The following GSK3B variants were observed in gnomAD, a reference collection of about 807,000 sequenced individuals.
GSK3B encodes the protein glycogen synthase kinase 3 beta.
Under a neutral mutation model 56.4 loss-of-function variants are expected in GSK3B, and 15 were observed. The observed-to-expected ratio is 0.27, with a 90% CI of 0.18 to 0.41. The LOEUF is 0.41. GSK3B is among the 10% of genes least tolerant of loss of function. The pLI is 1.00. For missense variants in GSK3B, 300 were observed against 513.4 expected, an observed-to-expected ratio of 0.58 and a Z score of 4.02; for synonymous variants, 181 against 188.9, an observed-to-expected ratio of 0.96 and a Z score of 0.34.
intron 2 of GSK3B, among the ~76,000 whole-genome samples, chr3:119,965,532 A>C (rs1370616733): frequency 6.6e-6 from 1 of 151,834 alleles, no homozygotes; most frequent in Non-Finnish European, 1.5e-5. Flanking sequence ...TTTTCTGATG[A>C]CACTAAAAAA....
intron 1 of GSK3B, among the ~76,000 whole-genome samples, chr3:120,021,372 C>T (rs956113103): frequency 3.3e-5 from 5 of 151,460 alleles, no homozygotes; most frequent in Admixed American, 2.6e-4. Flanking sequence ...AAAAATTAGC[C>T]GGGCATGGTG....
intron 1 of GSK3B, among the ~76,000 whole-genome samples, chr3:120,032,773 TGTTA>T (rs995643003): frequency 1.3e-5 from 2 of 152,268 alleles, no homozygotes; most frequent in Non-Finnish European, 2.9e-5. Flanking sequence ...TAACATCTCA[TGTTA>T]GTTAAATATT....
intron 6 of GSK3B, among the ~76,000 whole-genome samples, chr3:119,908,053 A>G (rs2107449420): frequency 6.6e-6 from 1 of 152,298 alleles, no homozygotes; most frequent in Non-Finnish European, 1.5e-5. Flanking sequence ...CATTTCAAAC[A>G]TTACTGTTAA....
intron 7 of GSK3B, among the ~76,000 whole-genome samples, chr3:119,892,021 C>T (rs964714111): frequency 6.6e-6 from 1 of 152,048 alleles, no homozygotes; most frequent in Non-Finnish European, 1.5e-5. Flanking sequence ...TTACTGTCTT[C>T]AAAGAAGTAC....
At chr3:119,990,874 G>A (rs1027474311) in intron 2 of GSK3B, among the ~76,000 whole-genome samples, 5 of 152,222 alleles carry the variant, frequency 3.3e-5, no homozygotes, top group Non-Finnish European at 2.9e-5. Context: ...GTTGCAGTGA[G>A]ACAAGATTGC....
At chr3:119,983,911 C>T (rs978838252) in intron 2 of GSK3B, among the ~76,000 whole-genome samples, 1 of 152,206 alleles carries the variant, frequency 6.6e-6, no homozygotes. Context: ...ACATTCTTCT[C>T]AGCACCACAC....
At chr3:120,056,367 C>T (rs147615186) in intron 1 of GSK3B, among the ~76,000 whole-genome samples, 32 of 152,282 alleles carry the variant, frequency 2.1e-4, no homozygotes, top group African/African-American at 7.2e-4. Context: ...GAGACACAGT[C>T]TCGATCTGTT....
chr3:119,909,782 A>C (rs2056717754), intron 6 of GSK3B, among the ~76,000 whole-genome samples: 1 of 152,040 alleles, frequency 6.6e-6, no homozygotes, highest in Non-Finnish European at 1.5e-5. Flanking sequence ...TCTGGGGTGA[A>C]GACTTGAGAA....
At chr3:120,006,954 C>CA (rs1228404268) in intron 1 of GSK3B, among the ~76,000 whole-genome samples, 2,984 of 139,932 alleles carry the variant, frequency 0.021, 65 homozygotes, top group African/African-American at 0.06. Flanking sequence ...AAAAAACCTT[C>CA]AAAAAAAAAA....
chr3:120,012,925 A>C (rs920088804), intron 1 of GSK3B, among the ~76,000 whole-genome samples: 1 of 152,028 alleles, frequency 6.6e-6, no homozygotes, highest in African/African-American at 2.4e-5. Flanking sequence ...TTAAGTCTAA[A>C]ATCATCCTAC....
intron 1 of GSK3B, among the ~76,000 whole-genome samples, chr3:120,064,934 A>G (rs1056210177): frequency 4.6e-5 from 7 of 152,230 alleles, no homozygotes; most frequent in Non-Finnish European, 8.8e-5. Context: ...TGGAGTTTGT[A>G]CAACTAGACC....
At chr3:119,888,971 A>T (rs535038617) in intron 7 of GSK3B, among the ~76,000 whole-genome samples, 35 of 152,146 alleles carry the variant, frequency 2.3e-4, no homozygotes, top group African/African-American at 8.4e-4. Flanking sequence ...TCTGCTCTCA[A>T]ACCCTGCTTT....
intron 1 of GSK3B, among the ~76,000 whole-genome samples, chr3:120,050,254 C>G (rs956465578): frequency 6.6e-6 from 1 of 152,200 alleles, no homozygotes; most frequent in Non-Finnish European, 1.5e-5. Flanking sequence ...ATCCACCCCC[C>G]ATGAAACAAA....
intron 1 of GSK3B, among the ~76,000 whole-genome samples, chr3:120,006,263 G>A (rs1460647906): frequency 6.6e-6 from 1 of 152,160 alleles, no homozygotes; most frequent in Admixed American, 6.5e-5. Flanking sequence ...GATTCATAAA[G>A]CAAGTCCTTG....
At chr3:119,928,604 C>CAAAAAAA (rs1430388699) in intron 3 of GSK3B, among the ~76,000 whole-genome samples, 4 of 28,614 alleles carry the variant, frequency 1.4e-4, no homozygotes, top group African/African-American at 2.3e-4. Flanking sequence ...GACTCCATAT[C>CAAAAAAA]AAAAAAATAA....
At chr3:119,996,067 T>G (rs2057614891) in intron 2 of GSK3B, among the ~76,000 whole-genome samples, 1 of 152,182 alleles carries the variant, frequency 6.6e-6, no homozygotes. Flanking sequence ...AAATAAAAAG[T>G]AGCAAAAATC....
chr3:119,896,312 A>AT (rs2056562936), intron 7 of GSK3B, among the ~76,000 whole-genome samples: 1 of 152,118 alleles, frequency 6.6e-6, no homozygotes. Context: ...GTTGATACAT[A>AT]TTCATAGGAG....
intron 1 of GSK3B, among the ~76,000 whole-genome samples, chr3:120,046,287 A>T (rs1367006171): frequency 1.3e-5 from 2 of 152,228 alleles, no homozygotes; most frequent in Non-Finnish European, 2.9e-5. Context: ...ACTTCAGTTA[A>T]TAATTTAGTA....
intron 3 of GSK3B, among the ~76,000 whole-genome samples, chr3:119,937,109 G>A (rs2057003362): frequency 6.6e-6 from 1 of 152,204 alleles, no homozygotes; most frequent in South Asian, 2.1e-4. Flanking sequence ...CAAATGTGTG[G>A]AAATTGAACA....
Sources: allele counts gnomAD v4.1 joint callset (sites outside exome capture counted in the v4.1 genomes callset), GRCh38; gene constraint gnomAD v4.1.1; transcripts MANE v1.5; gene names NCBI Gene and HGNC (gene_info 2026-07-23, HGNC 2026-07-21).